ANKMY1: variants seen among roughly 807,000 people sequenced by gnomAD.
ANKMY1 encodes ankyrin repeat and MYND domain containing 1.
A neutral mutation model predicts 102.0 loss-of-function variants in ANKMY1; 98 were observed. That is an observed-to-expected ratio of 0.96 (90% CI 0.82 to 1.14). The LOEUF (loss-of-function observed/expected upper bound fraction) is 1.14, where lower values mean the gene tolerates loss of function less well. Ranked by LOEUF, ANKMY1 falls within the 50% of genes most tolerant of loss-of-function variation. ANKMY1 has a pLI of 0.00. For synonymous variants in ANKMY1, 582 were observed against 559.9 expected, an observed-to-expected ratio of 1.04 and a Z score of -0.56; for missense variants, 1,330 against 1,347.6, an observed-to-expected ratio of 0.99 and a Z score of 0.20.
chr2:240,495,310 GGAGGGCCTGACTGAT>G (rs945379897), intron 15 of ANKMY1, among the ~76,000 whole-genome samples: 5 of 152,148 alleles, frequency 3.3e-5, no homozygotes, highest in African/African-American at 9.7e-5. Context: ...CACCTCTTGT[GGAGGGCCTGACTGAT>G]GTCAGGCCCG....
Position 240,524,368 on chromosome 2 carries a change from A to C in ANKMY1, c.1349T>G (p.Phe450Cys). 5 of 1,592,320 alleles carry C rather than the reference A, an allele frequency of 3.1e-6. No individual in the cohort carries two copies. Among genetic ancestry groups the C allele is most frequent in the Non-Finnish European group, 4.3e-6 (5 of 1,167,446 alleles). Residue 450 changes from phenylalanine (F) to cysteine (C), a missense_variant, in exon 8 of 18, where the codon TTC (phenylalanine) becomes TGC (cysteine). Phe to Cys is a radical substitution (Grantham distance 205). Coordinates refer to ENST00000401804, the MANE Select transcript of ANKMY1 (RefSeq NM_001282771.3). ...TGATGAAAGGATTGGAACAACTGGG[A>C]ATTTTGGAGGTTCCTTTGGAAAGAA... Reference protein sequence around the residue: ...TIPEPQEPPKFPVVPILSSSF... With the variant: ...TIPEPQEPPKCPVVPILSSSF...
intron 4 of ANKMY1, among the ~76,000 whole-genome samples, chr2:240,550,338 G>A (rs902630416): frequency 7.7e-6 from 1 of 130,112 alleles, no homozygotes; most frequent in Non-Finnish European, 1.5e-5. Context: ...ACAGGAAGGG[G>A]AACATCACAC....
rs1308918352 is a variant in ANKMY1, at chr2:240,544,903, A to C, written c.480+8011T>G. Among the ~76,000 whole-genome samples, 5 of 151,896 alleles carry C rather than the reference A, an allele frequency of 3.3e-5. No individual in the cohort carries two copies. In the South Asian group the frequency reaches 6.2e-4, roughly 19 times the overall value. On this transcript the variant is annotated intron_variant, in intron 4 of 17. Coordinates refer to ENST00000401804, the MANE Select transcript of ANKMY1 (RefSeq NM_001282771.3). ...ATTGCTAGCACAGCAGTCTGAGATCAAACTGCAAGGCGGCAGCGAGGCTGG... is the reference window on the plus strand; with the variant it reads ...ATTGCTAGCACAGCAGTCTGAGATCCAACTGCAAGGCGGCAGCGAGGCTGG...
chr2:240,501,296 G>T (rs1051208593), intron 13 of ANKMY1, among the ~76,000 whole-genome samples: 2 of 152,198 alleles, frequency 1.3e-5, no homozygotes, highest in East Asian at 3.8e-4. Flanking sequence ...GTGCAAGTAT[G>T]CCTGACAAAT....
At chr2:240,512,371 T>C (rs1042226739) in intron 10 of ANKMY1, among the ~76,000 whole-genome samples, 9 of 152,220 alleles carry the variant, frequency 5.9e-5, no homozygotes, top group Non-Finnish European at 1.3e-4. Context: ...AAGGAAGACA[T>C]GGCCTTGCGG....
At chr2:240,551,298 T>C (rs2091483191) in intron 4 of ANKMY1, among the ~76,000 whole-genome samples, 1 of 152,236 alleles carries the variant, frequency 6.6e-6, no homozygotes, top group South Asian at 2.1e-4. Context: ...TTGAGTCATA[T>C]TTCTCTCTGC....
intron 4 of ANKMY1, among the ~76,000 whole-genome samples, chr2:240,535,418 C>A (rs765901099): frequency 7.2e-5 from 11 of 152,008 alleles, no homozygotes; most frequent in Non-Finnish European, 1.5e-4. Flanking sequence ...AGAGAGAGAG[C>A]AGGTTGTAAA....
chr2:240,493,855 G>A (rs2076923838), intron 15 of ANKMY1, among the ~76,000 whole-genome samples: 1 of 152,214 alleles, frequency 6.6e-6, no homozygotes, highest in Admixed American at 6.5e-5. Context: ...AGCAGTGGCT[G>A]CAATGGAGTA....
rs781593285 is a variant in ANKMY1, at chr2:240,500,512, C to T, written c.2580G>A (p.Arg860=). Residue 860 remains arginine, a synonymous_variant, in exon 14 of 18, where the codon AGG becomes AGA. Transcript: ENST00000401804. ...GADILKPVML[R]QGEKEAVGTA... ...TGCCCACTGCCTCCTTTTCTCCCTG[C>T]CTGAGCATTACAGGCTTCAGGATGT... 5.0e-6 allele frequency: 8 copies of T among 1,614,050 alleles called. No homozygotes were observed. In the Admixed American group the frequency reaches 1.2e-4, roughly 24 times the overall value.
chr2:240,540,950 A>G (rs928059404), intron 4 of ANKMY1, among the ~76,000 whole-genome samples: 6 of 152,190 alleles, frequency 3.9e-5, no homozygotes, highest in African/African-American at 1.2e-4. Flanking sequence ...CCTCAGAAGC[A>G]CTGTCTTTGA....
In ANKMY1 at chr2:240,555,038, G is replaced by A; in HGVS notation, c.164C>T (p.Pro55Leu). ...VFATRDVSAA[P>L]EKEEEEAEGP... is the part of the protein sequence containing the mutation. ...CTCAGCTTCCTCCTCTTCCTTCTCAGGGGCTGCTGAAACATCCCTAAAAGG... is the reference window on the plus strand; with the variant it reads ...CTCAGCTTCCTCCTCTTCCTTCTCAAGGGCTGCTGAAACATCCCTAAAAGG... Residue 55 changes from proline (P) to leucine (L), a missense_variant, in exon 3 of 18, where the codon CCT (proline) becomes CTT (leucine). Pro to Leu is a moderately conservative substitution (Grantham distance 98). Transcript: ENST00000401804. 6.2e-7 allele frequency: 1 copy of A among 1,613,982 alleles called. No homozygotes were observed. Among genetic ancestry groups the A allele is most frequent in the Non-Finnish European group, 8.5e-7 (1 of 1,179,946 alleles).
chr2:240,543,982 T>C (rs967354834), intron 4 of ANKMY1, among the ~76,000 whole-genome samples: 2 of 152,158 alleles, frequency 1.3e-5, no homozygotes, highest in Admixed American at 6.5e-5. Context: ...TAGTTAATTA[T>C]AATTCTGTAT....
chr2:240,493,168 A>G lies in ANKMY1; in HGVS notation c.2806+6790T>C, dbSNP rs1481161306. Among the ~76,000 whole-genome samples, 5 of 6,070 alleles carry G rather than the reference A, an allele frequency of 8.2e-4. No homozygotes were observed. The Admixed American group carries it at 0.014, about 17-fold the overall frequency. The allele number at this position is 6,070 out of a possible 152,430, so 4.0% of individuals were successfully genotyped here. On this transcript the variant is annotated intron_variant, in intron 15 of 17. Coordinates refer to ENST00000401804, the MANE Select transcript of ANKMY1 (RefSeq NM_001282771.3). ...GAAATCCCATCTCTACTAAAAATAC[A>G]AAAAAAAAATTAGCCAGGCATGGTG...
At chr2:240,481,789 C>T (rs542529392) in intron 16 of ANKMY1, among the ~76,000 whole-genome samples, 6 of 152,270 alleles carry the variant, frequency 3.9e-5, no homozygotes, top group Admixed American at 6.5e-5. Context: ...CAGGCTCTGC[C>T]GCATAGCCAG....
At chr2:240,512,035 G>A (rs200600610) in intron 10 of ANKMY1, 34 bp from the exon 11 acceptor site, 26 of 1,505,928 alleles carry the variant, frequency 1.7e-5, no homozygotes, top group Non-Finnish European at 1.9e-5. Context: ...CAGCGCCCAC[G>A]GACCTGCCGT....
At chr2:240,480,887 G>A (rs781384668) in intron 17 of ANKMY1, 50 bp downstream of exon 17, 46 of 1,579,040 alleles carry the variant, frequency 2.9e-5, no homozygotes, top group Middle Eastern at 2.1e-4. Context: ...CTGCGCCTTC[G>A]CCCTCAGCAG....
the ANKMY1 span, among the ~76,000 whole-genome samples, chr2:240,471,585 A>G: frequency 4.6e-5 from 7 of 152,236 alleles, no homozygotes; most frequent in Admixed American, 4.6e-4. Context: ...TTTTAAAAAG[A>G]AAAAACAAGG....
intron 4 of ANKMY1, among the ~76,000 whole-genome samples, chr2:240,544,063 G>C (rs2089685034): frequency 6.6e-6 from 1 of 152,154 alleles, no homozygotes; most frequent in South Asian, 2.1e-4. Flanking sequence ...TTATCTAAAG[G>C]TTAGTTCAAA....
At chr2:240,560,742 G>T, upstream of ANKMY1, 15 of 1,514,276 alleles carry the variant, frequency 9.9e-6, no homozygotes, top group Non-Finnish European at 1.3e-5. Context: ...TCCACCGTTG[G>T]TGCGCGTCGC....
Sources: gnomAD v4.1 joint callset for allele counts (sites outside exome capture counted in the v4.1 genomes callset) on GRCh38, gnomAD v4.1.1 for gene constraint, MANE v1.5 for transcripts, NCBI Gene and HGNC (gene_info 2026-07-23, HGNC 2026-07-21) for gene names.